YWHAE: variants seen among roughly 807,000 people sequenced by gnomAD.
The protein encoded by YWHAE is 14-3-3 protein epsilon.
YWHAE carries 4 observed loss-of-function variants against 30.1 expected under a neutral mutation model. The ratio of observed to expected loss-of-function variants is 0.13; its 90% CI spans 0.07 to 0.30. The LOEUF is 0.30. Ranked by LOEUF, YWHAE falls within the 10% of genes least tolerant of loss-of-function variation. YWHAE has a pLI of 1.00. For synonymous variants in YWHAE, 118 were observed against 111.8 expected (o/e 1.06, Z -0.35); for missense variants, 121 against 315.9 (o/e 0.38, Z 4.68).
At chr17:1,347,331 CA>C (rs556974192) in intron 5 of YWHAE, among the ~76,000 whole-genome samples, 76 of 113,486 alleles carry the variant, frequency 6.7e-4, no homozygotes, top group African/African-American at 1.1e-3. Flanking sequence ...GACTCCGTCT[CA>C]AAAAAAAAAA....
intron 4 of YWHAE, among the ~76,000 whole-genome samples, chr17:1,356,171 AACACACACACACACACAC>A (rs71148473): frequency 0.41 from 58,194 of 143,014 alleles, 11,671 homozygotes; most frequent in Admixed American, 0.54. Context: ...TCCGTCTAAA[AACACACACACACACACAC>A]ACACACACAC....
In YWHAE at chr17:1,380,593, G is replaced by A. The variant is rs948949296; in HGVS notation, c.65-15535C>T. Among the ~76,000 whole-genome samples the A allele has an allele frequency of 5.3e-5, 8 of 151,944 alleles. No homozygotes were observed. In the East Asian group the frequency reaches 7.7e-4, roughly 15 times the overall value. The stretch of plus-strand genomic sequence containing the variant: ...ATTAAATGTTTAATTTCTTTTCTTC[G>A]CCTCACTTCCAAGATTAAATAACAA... On this transcript the variant is annotated intron_variant, in intron 1 of 5. Coordinates refer to ENST00000264335, the MANE Select transcript of YWHAE (RefSeq NM_006761.5).
intron 1 of YWHAE, among the ~76,000 whole-genome samples, chr17:1,375,500 A>G (rs928823766): frequency 3.3e-5 from 5 of 152,124 alleles, no homozygotes; most frequent in Non-Finnish European, 7.4e-5. Context: ...AAGAACCAAA[A>G]AACTGAAATG....
chr17:1,377,990 A>C (rs1432474892), intron 1 of YWHAE, among the ~76,000 whole-genome samples: 1 of 152,226 alleles, frequency 6.6e-6, no homozygotes, highest in Non-Finnish European at 1.5e-5. Context: ...CGGAGGTTGC[A>C]GTGAGCCAAG....
intron 5 of YWHAE, chr17:1,347,857 G>A: frequency 8.9e-6 from 6 of 671,412 alleles, no homozygotes; most frequent in Non-Finnish European, 1.1e-5. Context: ...GCCCTGGAAG[G>A]TGGAACAGGC....
chr17:1,355,672 A>T (rs2072728812), intron 4 of YWHAE, among the ~76,000 whole-genome samples: 1 of 152,166 alleles, frequency 6.6e-6, no homozygotes, highest in Non-Finnish European at 1.5e-5. Context: ...TAGAAAAAAA[A>T]GAGACATAAT....
At position 1,345,478 on chromosome 17, in the gene YWHAE, G is replaced by A. The variant is rs754262216; in HGVS notation, c.737C>T (p.Ala246Val). 8.4e-5 allele frequency: 135 copies of A among 1,613,446 alleles called. No individual in the cohort carries two copies. Among genetic ancestry groups the A allele is most frequent in the Non-Finnish European group, 1.1e-4 (126 of 1,179,828 alleles). ...QGDGEEQNKE[A>V]LQDVEDENQ The stretch of plus-strand genomic sequence containing the variant: ...ATTTTCGTCTTCCACGTCCTGCAGC[G>A]CTTCTTTATTCTGCTCTTCACCTGT... Residue 246 changes from alanine (A) to valine (V), a missense_variant, in exon 6 of 6, where the codon GCG becomes GTG. By Grantham distance (64) the Ala-to-Val change is moderately conservative. This residue lies in a region of YWHAE where 22 missense variants were observed against 26.6 expected (regional missense o/e 0.83). Coordinates refer to ENST00000264335, the MANE Select transcript of YWHAE (RefSeq NM_006761.5).
At chr17:1,357,335 A>G (rs1380290461) in intron 4 of YWHAE, among the ~76,000 whole-genome samples, 4 of 139,678 alleles carry the variant, frequency 2.9e-5, no homozygotes, top group East Asian at 4.2e-4. Context: ...CCCGGGAGGC[A>G]GAGCTTGCAG....
At chr17:1,384,535 CA>C (rs144580049) in intron 1 of YWHAE, among the ~76,000 whole-genome samples, 107,437 of 149,302 alleles carry the variant, frequency 0.72, 39,488 homozygotes, top group African/African-American at 0.9. Context: ...ACTAAAAATA[CA>C]AAAAAAATTA....
chr17:1,384,429 C>G (rs566445189), intron 1 of YWHAE, among the ~76,000 whole-genome samples: 3 of 151,510 alleles, frequency 2.0e-5, no homozygotes, highest in Non-Finnish European at 4.4e-5. Context: ...CGGTGGCTCA[C>G]GCCTGTAATC....
chr17:1,385,353 C>CA (rs1306279912), intron 1 of YWHAE, among the ~76,000 whole-genome samples: 1 of 152,136 alleles, frequency 6.6e-6, no homozygotes, highest in Non-Finnish European at 1.5e-5. Flanking sequence ...CCCCTGTGAT[C>CA]AGTCCCCCAG....
In YWHAE at chr17:1,345,167, C is replaced by A. The variant is rs557293769; in HGVS notation, c.*280G>T. 62 of 452,464 alleles carry A rather than the reference C, an allele frequency of 1.4e-4. 3 individuals carry two copies. The Middle Eastern group carries it at 2.4e-3, about 17-fold the overall frequency. 28.0% of individuals were successfully genotyped at this position (452,464 alleles called of 1,614,324 possible). A position where few individuals can be genotyped will look rare whatever the true frequency, so the allele number is the denominator to read the frequency against. On this transcript the variant is annotated 3_prime_UTR_variant, in exon 6 of 6. Coordinates refer to ENST00000264335, the MANE Select transcript of YWHAE (RefSeq NM_006761.5). ...GATCTTGCCACATCTGGCACGGAGA[C>A]GACACAGTAATGCTGAAAAAGCCTC...
intron 1 of YWHAE, among the ~76,000 whole-genome samples, chr17:1,386,726 G>C (rs2073305511): frequency 6.6e-6 from 1 of 152,174 alleles, no homozygotes; most frequent in African/African-American, 2.4e-5. Context: ...AAGGCAGGCG[G>C]ATCACCTGAG....
At chr17:1,359,323 C>A (rs1049595806) in intron 4 of YWHAE, among the ~76,000 whole-genome samples, 4 of 151,924 alleles carry the variant, frequency 2.6e-5, no homozygotes, top group Admixed American at 6.6e-5. Context: ...AAAAAGTTAC[C>A]CACAGAATTT....
intron 5 of YWHAE, among the ~76,000 whole-genome samples, chr17:1,345,828 T>A (rs959895852): frequency 1.3e-5 from 2 of 152,196 alleles, no homozygotes; most frequent in Non-Finnish European, 2.9e-5. Context: ...AAATCTTGGG[T>A]CAAAATACTC....
intron 5 of YWHAE, among the ~76,000 whole-genome samples, chr17:1,348,537 T>TG (rs1448017450): frequency 7.9e-5 from 12 of 152,334 alleles, no homozygotes; most frequent in Non-Finnish European, 1.5e-4. Flanking sequence ...CCTAGTAAAC[T>TG]GCCACTTTCA....
intron 4 of YWHAE, among the ~76,000 whole-genome samples, chr17:1,357,222 T>G (rs2072763254): frequency 6.6e-6 from 1 of 150,528 alleles, no homozygotes; most frequent in Admixed American, 6.6e-5. Flanking sequence ...GCTAACACGG[T>G]GAAACCCCAT....
Position 1,364,874 on chromosome 17 carries a change from C to T in YWHAE, c.249G>A (p.Arg83=). Residue 83 remains arginine, a synonymous_variant, in exon 2 of 6, where the codon CGG becomes CGA. Coordinates refer to ENST00000264335, the MANE Select transcript of YWHAE (RefSeq NM_006761.5). ...KGGEDKLKMI[R]EYRQMVETEL... is the part of the protein sequence containing the mutation. ...ACAATCTCACCATTTGCCGATATTC[C>T]CGAATCATTTTTAGCTTGTCTTCTC... is the stretch of plus-strand genomic sequence containing the variant. 3 of 1,613,896 alleles carry T rather than the reference C, an allele frequency of 1.9e-6. No individual in the cohort carries two copies. The highest frequency in any genetic ancestry group is 2.5e-6 in the Non-Finnish European group (3 of 1,179,874).
chr17:1,398,342 C>CG (rs1555648145), intron 1 of YWHAE, among the ~76,000 whole-genome samples: 1 of 34,752 alleles, frequency 2.9e-5, no homozygotes, highest in Admixed American at 4.4e-4. Flanking sequence ...TATCCCCCCC[C>CG]CCAACAGGAA....
Sources: allele counts gnomAD v4.1 joint callset (sites outside exome capture counted in the v4.1 genomes callset), GRCh38; gene constraint gnomAD v4.1.1; regional missense constraint gnomAD v4.1.1; transcripts MANE v1.5; gene names NCBI Gene and HGNC (gene_info 2026-07-23, HGNC 2026-07-21).